The following LETM1 variants were observed in gnomAD, a reference collection of about 807,000 sequenced individuals.
LETM1 encodes mitochondrial proton/calcium exchanger protein.
In LETM1, 50 loss-of-function variants were observed where a neutral mutation model predicts 74.5. The observed-to-expected ratio is 0.67, with a 90% confidence interval of 0.53 to 0.85. The LOEUF is 0.85. Among genes scored for constraint, LETM1 ranks in the 40% least tolerant of loss-of-function variants. The probability of loss-of-function intolerance (pLI) is 0.00; values close to 1 mark genes in which losing one functional copy is unlikely to be tolerated. For missense variants in LETM1, 824 were observed against 967.8 expected (o/e 0.85, Z 1.97); for synonymous variants, 446 against 407.1 (o/e 1.10, Z -1.15).
Position 1,823,862 on chromosome 4 carries a change from G to A in LETM1, c.1201-87C>T, listed in dbSNP as rs376439360. 7.8e-6 allele frequency: 11 copies of A among 1,411,956 alleles called. No homozygotes were observed. The African/African-American group carries it at 1.4e-4, about 18-fold the overall frequency. 87.5% of individuals were successfully genotyped at this position (1,411,956 alleles called of 1,614,324 possible). A position where few individuals can be genotyped will look rare whatever the true frequency, so the allele number is the denominator to read the frequency against. Reference sequence around the variant, plus strand: ...GTCCGCCCATCTCATCACCAGAATAGCTCTCAGAGAAGACAGTGTCTCAAG... The same window carrying A: ...GTCCGCCCATCTCATCACCAGAATAACTCTCAGAGAAGACAGTGTCTCAAG... On this transcript the variant is annotated intron_variant, in intron 7 of 13. Transcript: ENST00000302787.
rs748715518 is a variant in LETM1 at position 1,823,714 on chromosome 4, A to G, written c.1262T>C (p.Met421Thr). 2 of 1,613,786 alleles carry G rather than the reference A, an allele frequency of 1.2e-6. No homozygotes were observed. Among genetic ancestry groups the G allele is most frequent in the Non-Finnish European group, 1.7e-6 (2 of 1,179,912 alleles). ...TGGAGAGAGGGTGTCCGGGAGGTACATGGCCCGGGACAGGATGAGCAGCGA... is the reference window on the plus strand; with the variant it reads ...TGGAGAGAGGGTGTCCGGGAGGTACGTGGCCCGGGACAGGATGAGCAGCGA... ...PTSLLILSRA[M>T]YLPDTLSPAD... Residue 421 changes from methionine (M) to threonine (T), a missense_variant, in exon 8 of 14, where the codon ATG becomes ACG. Met to Thr is a moderately conservative substitution (Grantham distance 81). Around this residue, in one of 4 missense-constraint regions of LETM1, gnomAD observed 172 missense variants for 170.7 expected, o/e 1.01. Transcript: ENST00000302787.
chr4:1,831,544 G>A (rs1455082212), intron 6 of LETM1, among the ~76,000 whole-genome samples: 1 of 152,284 alleles, frequency 6.6e-6, no homozygotes, highest in African/African-American at 2.4e-5. Flanking sequence ...GTGGGGAAGT[G>A]TGGCGGATAC....
intron 1 of LETM1, among the ~76,000 whole-genome samples, chr4:1,854,871 G>A (rs925463803): frequency 6.6e-6 from 1 of 151,908 alleles, no homozygotes; most frequent in African/African-American, 2.4e-5. Flanking sequence ...CTATCTCTTT[G>A]GGGGTGGGGA....
At chr4:1,829,738 T>G (rs1712202163) in intron 6 of LETM1, among the ~76,000 whole-genome samples, 1 of 152,170 alleles carries the variant, frequency 6.6e-6, no homozygotes, top group African/African-American at 2.4e-5. Context: ...GAGGATGGCT[T>G]GGGTCCAGGA....
At chr4:1,841,089 C>T (rs1712672585) in intron 3 of LETM1, among the ~76,000 whole-genome samples, 1 of 152,202 alleles carries the variant, frequency 6.6e-6, no homozygotes, top group African/African-American at 2.4e-5. Context: ...GTGGCTCACA[C>T]CTGTAATCCC....
intron 3 of LETM1, among the ~76,000 whole-genome samples, chr4:1,838,975 T>C (rs1198270514): frequency 6.6e-6 from 1 of 152,138 alleles, no homozygotes; most frequent in Non-Finnish European, 1.5e-5. Flanking sequence ...AAAAAATTAA[T>C]TTAAAATAAA....
In LETM1 at chr4:1,834,536, A is replaced by G. The variant is rs1481472579; in HGVS notation, c.876+309T>C. On this transcript the variant is annotated intron_variant, in intron 5 of 13. Coordinates refer to ENST00000302787, the MANE Select transcript of LETM1 (RefSeq NM_012318.3). This position sits in a 1 kb window ranked among gnomAD's most constrained non-coding sequence, Gnocchi z 5.0. Reference sequence around the variant, plus strand: ...AGCCCGGCCAAGCCACCCACACCTCACACCATCAGGGTCTCAGGCTCCTCA... The same window carrying G: ...AGCCCGGCCAAGCCACCCACACCTCGCACCATCAGGGTCTCAGGCTCCTCA... The G allele has an allele frequency of 8.8e-7, 1 of 1,140,402 alleles. No homozygotes were observed. 70.6% of individuals were successfully genotyped at this position (1,140,402 alleles called of 1,614,324 possible).
Position 1,836,614 on chromosome 4 carries a change from TG to T in LETM1, c.595-43del. ...CCATCAGAGGGGAGCAGAGCACATG[TG>T]GGAACAAGGGCAAGGGGTGTGAGCA... is the stretch of plus-strand genomic sequence containing the variant. On this transcript the variant is annotated intron_variant, in intron 3 of 13. Transcript: ENST00000302787. This position sits in a 1 kb window ranked among gnomAD's most constrained non-coding sequence, Gnocchi z 5.8. The T allele has an allele frequency of 1.9e-6, 3 of 1,608,494 alleles. No homozygotes were observed. The African/African-American group carries it at 4.0e-5, about 21-fold the overall frequency.
chr4:1,819,532 C>G, intron 10 of LETM1, 60 bp from the exon 11 acceptor site: 1 of 1,552,402 alleles, frequency 6.4e-7, no homozygotes, highest in Non-Finnish European at 8.7e-7. Context: ...GGCCTGTTCC[C>G]AAGTGACCAG....
Position 1,814,561 on chromosome 4 carries a change from C to G in LETM1, c.2083G>C (p.Val695Leu), listed in dbSNP as rs775361923. The change falls in exon 14 of 14, where the codon GTG (valine) becomes CTG (leucine). Residue 695 changes from valine (V) to leucine (L), a missense_variant. Physicochemically the swap from Val to Leu is conservative, Grantham distance 32 (BLOSUM62 1). Around this residue, in one of 4 missense-constraint regions of LETM1, gnomAD observed 161 missense variants for 252.7 expected, o/e 0.64. Coordinates refer to ENST00000302787, the MANE Select transcript of LETM1 (RefSeq NM_012318.3). ...GAGATGTGAACATCTTCTTTGTCCA[C>G]CAGCTCAATCACCTACACACGTGGG... ...IDDLVKVIEL[V>L]DKEDVHISTS... The G allele has an allele frequency of 1.4e-5, 22 of 1,613,276 alleles. No homozygotes were observed. The highest frequency in any genetic ancestry group is 1.9e-5 in the Non-Finnish European group (22 of 1,179,634).
rs531048984 is a variant in LETM1 at position 1,841,928 on chromosome 4, C to A, written c.144-131G>T. ...CATGTCACAACCACACACAATCCCA[C>A]CTACTTCCTGACGTTTTGCACTGCC... On this transcript the variant is annotated intron_variant, in intron 2 of 13. Transcript: ENST00000302787. 7.1e-6 allele frequency: 5 copies of A among 709,164 alleles called. No individual in the cohort carries two copies. The African/African-American group carries it at 8.8e-5, about 12-fold the overall frequency. The allele number at this position is 709,164 out of a possible 1,614,324, so 43.9% of individuals were successfully genotyped here.
chr4:1,822,452 A>C, intron 9 of LETM1, 140 bp from the exon 10 acceptor site: 1 of 1,019,950 alleles, frequency 9.8e-7, no homozygotes, highest in South Asian at 3.3e-5. Flanking sequence ...CCTGCCACAG[A>C]AGGTCCCTAG....
rs1472827625 is a variant in LETM1, at chr4:1,836,463, A to T, written c.704T>A (p.Met235Lys). The T allele has an allele frequency of 6.2e-7, 1 of 1,614,046 alleles. No individual in the cohort carries two copies. The highest frequency in any genetic ancestry group is 8.5e-7 in the Non-Finnish European group (1 of 1,179,982). ...LPVAVKLFPN[M>K]LPSTFETQSL... ...CTGAGTCTCAAATGTGGATGGCAAC[A>T]TGTTGGGGAAGAGCTTCACAGCAAC... Residue 235 changes from methionine (M) to lysine (K), a missense_variant, in exon 4 of 14, where the codon ATG becomes AAG. Physicochemically the swap from Met to Lys is moderately conservative, Grantham distance 95 (BLOSUM62 -1). Around this residue, in one of 4 missense-constraint regions of LETM1, gnomAD observed 269 missense variants for 348.8 expected, o/e 0.77. Transcript: ENST00000302787. The surrounding 1 kb of genome is among the most constrained non-coding windows in gnomAD (Gnocchi z 5.8).
At chr4:1,825,541 G>C (rs369944553) in intron 7 of LETM1, 23 bp downstream of exon 7, 1 of 1,595,008 alleles carries the variant, frequency 6.3e-7, no homozygotes, top group Non-Finnish European at 8.6e-7. Flanking sequence ...TGCCGGCCTG[G>C]CACCAGGCCA....
intron 1 of LETM1, among the ~76,000 whole-genome samples, chr4:1,853,748 G>C: frequency 6.6e-6 from 1 of 152,244 alleles, no homozygotes; most frequent in Middle Eastern, 3.4e-3. Flanking sequence ...CTGTGACAAC[G>C]AACCCTACTC....
At chr4:1,816,062 C>T (rs1359931883) in intron 12 of LETM1, among the ~76,000 whole-genome samples, 1 of 152,276 alleles carries the variant, frequency 6.6e-6, no homozygotes, top group Non-Finnish European at 1.5e-5. Context: ...AGTGGCTGCC[C>T]CTCTGGGGCC....
At chr4:1,820,850 C>T (rs992320849) in intron 10 of LETM1, among the ~76,000 whole-genome samples, 1 of 152,002 alleles carries the variant, frequency 6.6e-6, no homozygotes, top group African/African-American at 2.4e-5. Flanking sequence ...ATGGTGAAAC[C>T]CCATCTCTAC....
intron 6 of LETM1, among the ~76,000 whole-genome samples, chr4:1,827,877 GCC>G (rs1220082763): frequency 2.1e-5 from 3 of 145,996 alleles, no homozygotes; most frequent in Non-Finnish European, 3.0e-5. Context: ...GGGCAGAGGC[GCC>G]CCCCCCACCT....
chr4:1,828,280 A>G (rs1480221715), intron 6 of LETM1, among the ~76,000 whole-genome samples: 2 of 67,490 alleles, frequency 3.0e-5, no homozygotes, highest in Admixed American at 1.8e-4. Context: ...CGGGGGGCTG[A>G]CCCCCCCACC....
Sources: gnomAD v4.1 joint callset for allele counts (sites outside exome capture counted in the v4.1 genomes callset) on GRCh38, gnomAD v4.1.1 for gene constraint, gnomAD v4.1.1 regional missense constraint, Gnocchi (gnomAD v3.1) non-coding constraint, MANE v1.5 for transcripts, NCBI Gene and HGNC (gene_info 2026-07-23, HGNC 2026-07-21) for gene names.